TNRC6A: variants seen among roughly 807,000 people sequenced by gnomAD.
The protein encoded by TNRC6A is trinucleotide repeat containing adaptor 6A.
Under a neutral mutation model 221.2 loss-of-function variants are expected in TNRC6A, and 44 were observed. The observed-to-expected ratio is 0.20, with a 90% confidence interval of 0.16 to 0.26. TNRC6A has a LOEUF of 0.26. Among genes scored for constraint, TNRC6A ranks in the 10% least tolerant of loss-of-function variants. The probability of loss-of-function intolerance (pLI) is 1.00; values close to 1 mark genes in which losing one functional copy is unlikely to be tolerated. For synonymous variants in TNRC6A, 847 were observed against 838.5 expected, an observed-to-expected ratio of 1.01 and a Z score of -0.18; for missense variants, 2,199 against 2,404.4, an observed-to-expected ratio of 0.91 and a Z score of 1.79.
intron 1 of TNRC6A, among the ~76,000 whole-genome samples, chr16:24,632,951 G>C (rs1355946671): frequency 6.6e-6 from 1 of 150,546 alleles, no homozygotes; most frequent in Non-Finnish European, 1.5e-5. Flanking sequence ...GGAGGTTGCA[G>C]TGAGTCGAGA....
intron 2 of TNRC6A, among the ~76,000 whole-genome samples, chr16:24,656,848 A>G (rs999674032): frequency 1.3e-5 from 2 of 152,206 alleles, no homozygotes; most frequent in African/African-American, 4.8e-5. Flanking sequence ...TTAAGAAAGA[A>G]TTTTAAAAAT....
upstream of TNRC6A, among the ~76,000 whole-genome samples, chr16:24,729,295 T>C (rs962410823): frequency 7.2e-6 from 1 of 138,100 alleles, no homozygotes; most frequent in Non-Finnish European, 1.5e-5. Context: ...ATTTGCGTTT[T>C]AGGCAATTTT....
At chr16:24,674,299 G>T (rs2055363876) in intron 2 of TNRC6A, among the ~76,000 whole-genome samples, 1 of 151,986 alleles carries the variant, frequency 6.6e-6, no homozygotes, top group Non-Finnish European at 1.5e-5. Context: ...GTTAAATTAA[G>T]TTTAAATTCA....
rs2058393001 is a variant in TNRC6A, at chr16:24,804,609, G to C, written c.3838-96G>C. On this transcript the variant is annotated intron_variant, in intron 12 of 24. Transcript: ENST00000395799. ...TTCTACCTGTTTCCTGTTGATGCTG[G>C]AATGTCATGTGACTTCTCTTCTGTT... 11 of 1,490,784 alleles carry C rather than the reference G, an allele frequency of 7.4e-6. No individual in the cohort carries two copies. In the East Asian group the frequency reaches 2.5e-4, roughly 35 times the overall value. The allele number at this position is 1,490,784 out of a possible 1,614,324, so 92.3% of individuals were successfully genotyped here.
intron 1 of TNRC6A, among the ~76,000 whole-genome samples, chr16:24,620,294 A>C (rs1238544538): frequency 6.6e-6 from 1 of 152,288 alleles, no homozygotes; most frequent in East Asian, 1.9e-4. Context: ...CCCACCTGTT[A>C]GGGTTATTGT....
intron 2 of TNRC6A, among the ~76,000 whole-genome samples, chr16:24,671,355 C>A (rs2055297973): frequency 6.6e-6 from 1 of 152,100 alleles, no homozygotes; most frequent in South Asian, 2.1e-4. Context: ...ATAAGACATT[C>A]CAGAAGGGTG....
At chr16:24,728,578 G>A (rs1460075538), upstream of TNRC6A, among the ~76,000 whole-genome samples, 1 of 152,204 alleles carries the variant, frequency 6.6e-6, no homozygotes, top group Non-Finnish European at 1.5e-5. Flanking sequence ...TAAGCACAGA[G>A]GAGGAATTAT....
chr16:24,798,051 A>T (rs1269644902), intron 11 of TNRC6A, 85 bp downstream of exon 11: 6 of 1,205,658 alleles, frequency 5.0e-6, no homozygotes, highest in African/African-American at 1.5e-5. Flanking sequence ...GCCCTGACGT[A>T]GATCAGGACA....
intron 2 of TNRC6A, among the ~76,000 whole-genome samples, chr16:24,713,956 GT>G (rs1286576142): frequency 1.3e-5 from 2 of 152,070 alleles, no homozygotes; most frequent in Non-Finnish European, 2.9e-5. Flanking sequence ...ATTAATCATT[GT>G]TTTTAAACGA....
chr16:24,657,039 A>G (rs1213766927), intron 2 of TNRC6A, among the ~76,000 whole-genome samples: 1 of 151,916 alleles, frequency 6.6e-6, no homozygotes, highest in Non-Finnish European at 1.5e-5. Flanking sequence ...GAGGCGGGGC[A>G]TGGTGGCTTA....
chr16:24,656,020 G>A (rs1383317397), intron 2 of TNRC6A, among the ~76,000 whole-genome samples: 1 of 151,610 alleles, frequency 6.6e-6, no homozygotes, highest in Non-Finnish European at 1.5e-5. Context: ...GTGAGTGCCT[G>A]TGGTCCCAGC....
At chr16:24,660,738 T>TCTTTTTTTTTTTTTTTTTTTTTTTC (rs2055012305) in intron 2 of TNRC6A, among the ~76,000 whole-genome samples, 1 of 126,932 alleles carries the variant, frequency 7.9e-6, no homozygotes. Context: ...CTTTTTTTTT[T>TCTTTTTTTTTTTTTTTTTTTTTTTC]CTTTTTTTTT....
chr16:24,793,129 C>T lies in TNRC6A; in HGVS notation c.3176-344C>T, dbSNP rs143351203. Among the ~76,000 whole-genome samples, 3 of 152,286 alleles carry T rather than the reference C, an allele frequency of 2.0e-5. No individual in the cohort carries two copies. In the East Asian group the frequency reaches 5.8e-4, roughly 29 times the overall value. ...CATACACTGTCACCCAGCTTATCAC[C>T]TGCTCCAATTTACAAGGTTTGGTTT... On this transcript the variant is annotated intron_variant, in intron 6 of 24. Transcript: ENST00000395799.
At chr16:24,676,039 C>T (rs747720915) in intron 2 of TNRC6A, among the ~76,000 whole-genome samples, 1 of 151,870 alleles carries the variant, frequency 6.6e-6, no homozygotes, top group Non-Finnish European at 1.5e-5. Flanking sequence ...GGCTGGCAGC[C>T]TCCCAGAGAC....
chr16:24,700,920 C>T (rs2055960930), intron 2 of TNRC6A, among the ~76,000 whole-genome samples: 1 of 152,220 alleles, frequency 6.6e-6, no homozygotes, highest in South Asian at 2.1e-4. Context: ...ACATGTTTCT[C>T]TCGCTCTTTG....
intron 4 of TNRC6A, among the ~76,000 whole-genome samples, chr16:24,761,131 A>T (rs1471936469): frequency 6.6e-6 from 1 of 152,204 alleles, no homozygotes; most frequent in African/African-American, 2.4e-5. Context: ...GTCTGTGTAA[A>T]GACCAAGTTT....
At chr16:24,639,057 G>C (rs1286626247) in intron 1 of TNRC6A, among the ~76,000 whole-genome samples, 3 of 152,182 alleles carry the variant, frequency 2.0e-5, no homozygotes, top group African/African-American at 4.8e-5. Flanking sequence ...AGAGATTTTG[G>C]AGAAATAGGA....
chr16:24,710,415 C>G (rs1400470259), intron 2 of TNRC6A, among the ~76,000 whole-genome samples: 1 of 152,100 alleles, frequency 6.6e-6, no homozygotes, highest in Non-Finnish European at 1.5e-5. Context: ...CAAGACCAGC[C>G]TGGGCAACAT....
At position 24,817,030 on chromosome 16, in the gene TNRC6A, T is replaced by C. The variant is rs1216596563; in HGVS notation, c.4972+74T>C. ...AAGAATGGCTCATGTAGTACCCAGC[T>C]ACTCTGGGCGACTGAGCCCAGGGTA... On this transcript the variant is annotated intron_variant, in intron 20 of 24. Coordinates refer to ENST00000395799, the MANE Select transcript of TNRC6A (RefSeq NM_014494.4). 4 of 1,459,110 alleles carry C rather than the reference T, an allele frequency of 2.7e-6. No individual in the cohort carries two copies. The Admixed American group carries it at 7.0e-5, about 25-fold the overall frequency. 90.4% of individuals were successfully genotyped at this position (1,459,110 alleles called of 1,614,324 possible). A position where few individuals can be genotyped will look rare whatever the true frequency, so the allele number is the denominator to read the frequency against.
Sources: allele counts gnomAD v4.1 joint callset (sites outside exome capture counted in the v4.1 genomes callset), GRCh38; gene constraint gnomAD v4.1.1; transcripts MANE v1.5; gene names NCBI Gene and HGNC (gene_info 2026-07-23, HGNC 2026-07-21).